CRIM1: variants seen among roughly 807,000 people sequenced by gnomAD.
The protein encoded by CRIM1 is cysteine rich transmembrane BMP regulator 1.
Under a neutral mutation model 116.4 loss-of-function variants are expected in CRIM1, and 32 were observed. The observed-to-expected ratio is 0.27, with a 90% confidence interval of 0.21 to 0.37. The LOEUF (loss-of-function observed/expected upper bound fraction) is 0.37, where lower values mean the gene tolerates loss of function less well. CRIM1 is among the 10% of genes least tolerant of loss of function. CRIM1 has a pLI of 1.00. For missense variants in CRIM1, 1,331 were observed against 1,354.8 expected, an observed-to-expected ratio of 0.98 and a Z score of 0.28; for synonymous variants, 590 against 509.2, an observed-to-expected ratio of 1.16 and a Z score of -2.13.
Position 36,547,077 on chromosome 2 carries a change from T to C in CRIM1, c.2840T>C (p.Ile947Thr). The change falls in exon 16 of 17, where the codon ATA (isoleucine) becomes ACA (threonine). Residue 947 changes from isoleucine (I) to threonine (T), a missense_variant. Ile to Thr is a moderately conservative substitution (Grantham distance 89). Transcript: ENST00000280527. Reference sequence around the variant, plus strand: ...TCCATTGCCTCAGTTGTGGTTCCCATAATTATATGCCTCTCTATTATAATA... The same window carrying C: ...TCCATTGCCTCAGTTGTGGTTCCCACAATTATATGCCTCTCTATTATAATA... ...LDSIASVVVP[I>T]IICLSIIIAF... 1 of 1,612,022 alleles carries C rather than the reference T, an allele frequency of 6.2e-7. No individual in the cohort carries two copies. Among genetic ancestry groups the C allele is most frequent in the South Asian group, 1.1e-5 (1 of 91,034 alleles).
At chr2:36,529,399 C>G (rs1291019705) in intron 13 of CRIM1, 1 of 223,212 alleles carries the variant, frequency 4.5e-6, no homozygotes, top group Non-Finnish European at 9.4e-6. Context: ...TGGATTGCTT[C>G]TTTTAAGTCC....
intron 14 of CRIM1, among the ~76,000 whole-genome samples, chr2:36,543,100 A>ATAAC (rs1320068385): frequency 6.6e-6 from 1 of 152,188 alleles, no homozygotes; most frequent in Non-Finnish European, 1.5e-5. Flanking sequence ...GTTTTATAAT[A>ATAAC]TAACTAAGAA....
chr2:36,430,567 G>A (rs893164510), intron 2 of CRIM1, among the ~76,000 whole-genome samples: 1 of 152,176 alleles, frequency 6.6e-6, no homozygotes, highest in Non-Finnish European at 1.5e-5. Flanking sequence ...AGTCGTGGTG[G>A]ATACCCAAAG....
chr2:36,407,164 T>G (rs1218553804), intron 2 of CRIM1, among the ~76,000 whole-genome samples: 1 of 151,872 alleles, frequency 6.6e-6, no homozygotes, highest in Non-Finnish European at 1.5e-5. Context: ...CCCACTCTGT[T>G]TGTAAAGACA....
chr2:36,453,724 A>G (rs1676911609), intron 4 of CRIM1, among the ~76,000 whole-genome samples: 1 of 152,240 alleles, frequency 6.6e-6, no homozygotes, highest in South Asian at 2.1e-4. Flanking sequence ...AAGTCATTGT[A>G]GTTTAAAGTG....
Position 36,424,633 on chromosome 2 carries a change from A to T in CRIM1, c.506-16625A>T, listed in dbSNP as rs538333538. 3.9e-5 allele frequency among the ~76,000 whole-genome samples: 6 copies of T among 152,294 alleles called. No individual in the cohort carries two copies. The South Asian group carries it at 8.3e-4, about 21-fold the overall frequency. The stretch of plus-strand genomic sequence containing the variant: ...TTTACTTTTAGTCTCTACTCCCAAC[A>T]TCCTCACTTTACCTGCTTTAAATCG... On this transcript the variant is annotated intron_variant, in intron 2 of 16. Transcript: ENST00000280527.
chr2:36,499,424 CT>C (rs1477029721), intron 8 of CRIM1, 77 bp downstream of exon 8: 3 of 1,434,494 alleles, frequency 2.1e-6, no homozygotes, highest in Admixed American at 3.9e-5. Flanking sequence ...AATTGAATAT[CT>C]TTTTCACTTC....
At chr2:36,489,462 T>C (rs958606386) in intron 7 of CRIM1, among the ~76,000 whole-genome samples, 4 of 152,196 alleles carry the variant, frequency 2.6e-5, no homozygotes, top group African/African-American at 9.6e-5. Flanking sequence ...ATCAAGTTTT[T>C]AAAAGATTCC....
At chr2:36,496,762 A>G (rs1022265659) in intron 7 of CRIM1, among the ~76,000 whole-genome samples, 4 of 152,196 alleles carry the variant, frequency 2.6e-5, no homozygotes, top group African/African-American at 9.6e-5. Flanking sequence ...AGCCATTTGG[A>G]TAGATTGGCT....
intron 8 of CRIM1, among the ~76,000 whole-genome samples, chr2:36,508,358 G>T (rs1289260801): frequency 6.6e-6 from 1 of 152,182 alleles, no homozygotes; most frequent in East Asian, 1.9e-4. Flanking sequence ...AAATATTTAT[G>T]TAAAACACGG....
At chr2:36,453,984 A>G (rs1676933090) in intron 4 of CRIM1, among the ~76,000 whole-genome samples, 1 of 151,350 alleles carries the variant, frequency 6.6e-6, no homozygotes, top group Non-Finnish European at 1.5e-5. Context: ...GAAAAAGGGA[A>G]TTCATGACAA....
chr2:36,539,643 T>C (rs1666805577), intron 14 of CRIM1, among the ~76,000 whole-genome samples: 1 of 151,938 alleles, frequency 6.6e-6, no homozygotes, highest in Non-Finnish European at 1.5e-5. Flanking sequence ...TGACAGTGAC[T>C]TGGACAGGGT....
intron 5 of CRIM1, among the ~76,000 whole-genome samples, chr2:36,471,011 G>A (rs1398917191): frequency 6.6e-6 from 1 of 152,192 alleles, no homozygotes; most frequent in African/African-American, 2.4e-5. Flanking sequence ...CTCAGTGGAA[G>A]AAGTAACTGC....
rs77243487 is a variant in CRIM1, at chr2:36,463,708, G to A, written c.870-826G>A. Among the ~76,000 whole-genome samples, 352 of 152,196 alleles carry A rather than the reference G, an allele frequency of 2.3e-3. 2 individuals are homozygous for A. The highest frequency in any genetic ancestry group is 8.0e-3 in the African/African-American group (332 of 41,500). ...TTGTCTCCTCTTATTTCACCTGCCC[G>A]TATTTGCCAGGCTTCTGCGTTTAGC... On this transcript the variant is annotated intron_variant, in intron 4 of 16. Transcript: ENST00000280527.
intron 13 of CRIM1, among the ~76,000 whole-genome samples, chr2:36,530,409 A>G (rs1230555478): frequency 1.3e-5 from 2 of 152,168 alleles, no homozygotes; most frequent in Non-Finnish European, 2.9e-5. Flanking sequence ...AAGTGAAGCC[A>G]GTTTCTCAAA....
intron 7 of CRIM1, among the ~76,000 whole-genome samples, chr2:36,491,772 T>A (rs1680243506): frequency 6.6e-6 from 1 of 152,160 alleles, no homozygotes; most frequent in African/African-American, 2.4e-5. Flanking sequence ...TGACCCATCC[T>A]CCAAGTTGAA....
chr2:36,533,041 A>T (rs908594110), intron 13 of CRIM1, among the ~76,000 whole-genome samples: 6 of 152,228 alleles, frequency 3.9e-5, no homozygotes, highest in African/African-American at 1.2e-4. Context: ...TTCGTTGGAT[A>T]TTCCCAGTCT....
At chr2:36,498,901 A>G (rs933434803) in intron 7 of CRIM1, among the ~76,000 whole-genome samples, 1 of 152,242 alleles carries the variant, frequency 6.6e-6, no homozygotes, top group African/African-American at 2.4e-5. Flanking sequence ...GCAGTTAACA[A>G]TTTAAACAGA....
rs1205788508 is a variant in CRIM1 at position 36,532,080 on chromosome 2, C to A, written c.2429-5272C>A. On this transcript the variant is annotated intron_variant, in intron 13 of 16. Transcript: ENST00000280527. ...CTGACGGATAAGATAGGGGCCATAG[C>A]TGAGAAAAATAAGTAGCGAAGCCGA... The A allele has an allele frequency of 1.2e-5, 5 of 431,918 alleles. No individual in the cohort carries two copies. The Admixed American group carries it at 1.5e-4, about 13-fold the overall frequency. 26.8% of individuals were successfully genotyped at this position (431,918 alleles called of 1,614,324 possible). A position where few individuals can be genotyped will look rare whatever the true frequency, so the allele number is the denominator to read the frequency against.
Sources: gnomAD v4.1 joint callset for allele counts (sites outside exome capture counted in the v4.1 genomes callset) on GRCh38, gnomAD v4.1.1 for gene constraint, MANE v1.5 for transcripts, NCBI Gene and HGNC (gene_info 2026-07-23, HGNC 2026-07-21) for gene names.